The following ELF2 variants were observed in gnomAD, a reference collection of about 807,000 sequenced individuals.
The protein encoded by ELF2 is ETS-related transcription factor Elf-2.
ELF2 carries 11 observed loss-of-function variants against 54.8 expected under a neutral mutation model. The ratio of observed to expected loss-of-function variants is 0.20; its 90% CI spans 0.13 to 0.33. The LOEUF (loss-of-function observed/expected upper bound fraction) is 0.33, where lower values mean the gene tolerates loss of function less well. ELF2 is among the 10% of genes least tolerant of loss of function. The pLI, the probability that ELF2 is intolerant of heterozygous loss-of-function variation, is 1.00. For missense variants in ELF2, 513 were observed against 703.0 expected (o/e 0.73, Z 3.06); for synonymous variants, 203 against 245.1 (o/e 0.83, Z 1.61).
intron 3 of ELF2, among the ~76,000 whole-genome samples, chr4:139,133,638 T>C (rs1452369754): frequency 1.0e-5 from 1 of 96,832 alleles, no homozygotes; most frequent in Non-Finnish European, 2.5e-5. Flanking sequence ...TTCCCTACCT[T>C]TTTTTTTTTT....
intron 1 of ELF2, among the ~76,000 whole-genome samples, chr4:139,152,225 T>C (rs576267257): frequency 6.6e-6 from 1 of 152,248 alleles, no homozygotes; most frequent in South Asian, 2.1e-4. Context: ...TTCAGTAAAC[T>C]TGACTTTAAA....
chr4:139,126,545 T>C (rs963222898), intron 3 of ELF2, among the ~76,000 whole-genome samples: 2 of 152,034 alleles, frequency 1.3e-5, no homozygotes, highest in South Asian at 2.1e-4. Flanking sequence ...TATCATAATA[T>C]TGGGAACAGA....
chr4:139,068,187 A>AT (rs1273220334), intron 6 of ELF2, among the ~76,000 whole-genome samples: 37 of 152,002 alleles, frequency 2.4e-4, no homozygotes, highest in African/African-American at 8.4e-4. Context: ...CACCCAGTCA[A>AT]TTTTTTGTAT....
At chr4:139,085,959 T>C (rs1006709021) in intron 4 of ELF2, among the ~76,000 whole-genome samples, 3 of 152,208 alleles carry the variant, frequency 2.0e-5, no homozygotes, top group Non-Finnish European at 4.4e-5. Context: ...ATTGGGAAAC[T>C]GAGGCCCCAA....
At chr4:139,169,288 CGG>C (rs1742025939) in intron 1 of ELF2, among the ~76,000 whole-genome samples, 1 of 146,984 alleles carries the variant, frequency 6.8e-6, no homozygotes, top group Non-Finnish European at 1.5e-5. Flanking sequence ...GCAGAGGTTG[CGG>C]CAAGCCGAGA....
chr4:139,070,886 GAAGAA>G (rs1729412608), intron 6 of ELF2, among the ~76,000 whole-genome samples: 1 of 152,138 alleles, frequency 6.6e-6, no homozygotes, highest in Non-Finnish European at 1.5e-5. Flanking sequence ...TATATTTAAT[GAAGAA>G]AAGAAAATAC....
At chr4:139,152,891 CTTTTTTTTTT>C (rs34208004) in intron 1 of ELF2, among the ~76,000 whole-genome samples, 1 of 104,060 alleles carries the variant, frequency 9.6e-6, no homozygotes, top group Non-Finnish European at 1.9e-5. Context: ...TAGTGTCATA[CTTTTTTTTTT>C]TTTTTTTTTT....
At chr4:139,162,374 A>G (rs1056717732) in intron 1 of ELF2, among the ~76,000 whole-genome samples, 3 of 151,894 alleles carry the variant, frequency 2.0e-5, no homozygotes, top group Middle Eastern at 3.2e-3. Context: ...TCTACTAAAC[A>G]TACAAAAAAT....
In ELF2 at chr4:139,139,512, G is replaced by A. The variant is rs1441898889; in HGVS notation, c.-251-15C>T. ...GTTCTTTGGAACTGCCAGCGGGAGG[G>A]GAAAAAAGATAATATTAATATAATT... is the stretch of plus-strand genomic sequence containing the variant. On this transcript the variant is annotated splice_polypyrimidine_tract_variant and intron_variant, in intron 1 of 9. Coordinates refer to ENST00000686138, the MANE Select transcript of ELF2 (RefSeq NM_001331036.3). 3 of 1,204,420 alleles carry A rather than the reference G, an allele frequency of 2.5e-6. No individual in the cohort carries two copies. The highest frequency in any genetic ancestry group is 1.0e-6 in the Non-Finnish European group (1 of 966,670). The allele number at this position is 1,204,420 out of a possible 1,614,324, so 74.6% of individuals were successfully genotyped here.
intron 6 of ELF2, among the ~76,000 whole-genome samples, chr4:139,069,165 G>C: frequency 6.6e-6 from 1 of 152,012 alleles, no homozygotes; most frequent in East Asian, 1.9e-4. Context: ...CACAGCACCC[G>C]GCCATATTTT....
intron 4 of ELF2, among the ~76,000 whole-genome samples, chr4:139,116,326 A>G (rs1322729215): frequency 2.6e-5 from 4 of 152,208 alleles, no homozygotes; most frequent in Non-Finnish European, 5.9e-5. Flanking sequence ...AAAATTTAGG[A>G]AAAGATGTAG....
In ELF2 at chr4:139,092,418, T is replaced by TAACATAACA. The variant is rs1560800887; in HGVS notation, c.239-18860_239-18852dup. Among the ~76,000 whole-genome samples, 447 of 50,932 alleles carry TAACATAACA rather than the reference T, an allele frequency of 8.8e-3. 5 individuals are homozygous for TAACATAACA. Among genetic ancestry groups the TAACATAACA allele is most frequent in the Middle Eastern group, 0.014 (1 of 70 alleles). 33.4% of individuals were successfully genotyped at this position (50,932 alleles called of 152,430 possible). On this transcript the variant is annotated intron_variant, in intron 4 of 9. Transcript: ENST00000686138. ...ATAACATAACATAACATAACATACA[T>TAACATAACA]AACATAACATAACATAACATAACAT...
chr4:139,059,695 A>T, intron 9 of ELF2, 88 bp from the exon 10 acceptor site: 3 of 1,481,120 alleles, frequency 2.0e-6, no homozygotes, highest in Non-Finnish European at 2.7e-6. Context: ...ACAAATCCAA[A>T]ATGTGTAAAA....
At chr4:139,130,506 T>G (rs1737382218) in intron 3 of ELF2, among the ~76,000 whole-genome samples, 1 of 152,252 alleles carries the variant, frequency 6.6e-6, no homozygotes, top group Non-Finnish European at 1.5e-5. Flanking sequence ...ATCCTTTTCA[T>G]CTACTGAAGG....
At chr4:139,099,429 A>C (rs1733641092) in intron 4 of ELF2, among the ~76,000 whole-genome samples, 1 of 152,218 alleles carries the variant, frequency 6.6e-6, no homozygotes, top group Non-Finnish European at 1.5e-5. Context: ...CACAGTGTGG[A>C]AACATTAAGC....
intron 1 of ELF2, among the ~76,000 whole-genome samples, chr4:139,151,064 G>GAAAGAAAGAAAGAAAGAAAGAAAGA (rs1739909168): frequency 7.1e-6 from 1 of 141,468 alleles, no homozygotes; most frequent in African/African-American, 2.7e-5. Context: ...AAGAAAGAAA[G>GAAAGAAAGAAAGAAAGAAAGAAAGA]AAAGAAAGAA....
chr4:139,059,923 C>T (rs1052668234), intron 9 of ELF2, among the ~76,000 whole-genome samples: 3 of 151,648 alleles, frequency 2.0e-5, no homozygotes, highest in African/African-American at 7.3e-5. Flanking sequence ...TCTTAGCTCA[C>T]TACAACCTCC....
At chr4:139,133,463 T>C (rs376314325) in intron 3 of ELF2, among the ~76,000 whole-genome samples, 1 of 152,230 alleles carries the variant, frequency 6.6e-6, no homozygotes, top group African/African-American at 2.4e-5. Context: ...TGCAGCTTTA[T>C]AGAAAGTCTT....
intron 1 of ELF2, among the ~76,000 whole-genome samples, chr4:139,150,005 G>C (rs1229999175): frequency 6.6e-6 from 1 of 152,012 alleles, no homozygotes; most frequent in African/African-American, 2.4e-5. Context: ...GCCCAGTCTG[G>C]GCAACATGGT....
Sources: gnomAD v4.1 joint callset for allele counts (sites outside exome capture counted in the v4.1 genomes callset) on GRCh38, gnomAD v4.1.1 for gene constraint, MANE v1.5 for transcripts, NCBI Gene and HGNC (gene_info 2026-07-23, HGNC 2026-07-21) for gene names.